The following FAN1 variants were observed in gnomAD, a reference collection of about 807,000 sequenced individuals.
FAN1 encodes fanconi-associated nuclease 1.
FAN1 carries 91 observed loss-of-function variants against 104.9 expected under a neutral mutation model. That is an observed-to-expected ratio of 0.87 (90% confidence interval 0.73 to 1.03). The LOEUF is 1.03. Ranked by LOEUF, FAN1 falls within the 50% of genes least tolerant of loss-of-function variation. The probability of loss-of-function intolerance (pLI) is 0.00; values close to 1 mark genes in which losing one functional copy is unlikely to be tolerated. For missense variants in FAN1, 1,263 were observed against 1,239.9 expected (o/e 1.02, Z -0.28); for synonymous variants, 478 against 457.6 (o/e 1.04, Z -0.57).
At chr15:30,913,081 T>G (rs2062131466) in intron 4 of FAN1, among the ~76,000 whole-genome samples, 1 of 152,188 alleles carries the variant, frequency 6.6e-6, no homozygotes, top group South Asian at 2.1e-4. Context: ...GACCGATAAC[T>G]GTCCATTGCC....
chr15:30,927,707 G>A (rs997491130), intron 10 of FAN1: 23 of 985,510 alleles, frequency 2.3e-5, no homozygotes, highest in Non-Finnish European at 2.8e-5. Context: ...CAGTGGTCTT[G>A]TGGGGAGAGG....
At chr15:30,906,014 C>T in intron 2 of FAN1, 117 bp downstream of exon 2, 1 of 941,984 alleles carries the variant, frequency 1.1e-6, no homozygotes, top group East Asian at 2.4e-5. Flanking sequence ...GTGTTGTGAG[C>T]ACCCTGTGGG....
chr15:30,910,779 A>G lies in FAN1; in HGVS notation c.1541A>G (p.Lys514Arg). The G allele has an allele frequency of 6.2e-7, 1 of 1,614,170 alleles. No homozygotes were observed. Among genetic ancestry groups the G allele is most frequent in the Non-Finnish European group, 8.5e-7 (1 of 1,180,014 alleles). Residue 514 changes from lysine (K) to arginine (R), a missense_variant, in exon 4 of 15, where the codon AAG (lysine) becomes AGG (arginine). Physicochemically the swap from Lys to Arg is conservative, Grantham distance 26. This residue lies in a region of FAN1 where 581 missense variants were observed against 668.8 expected (regional missense o/e 0.87). Coordinates refer to ENST00000362065, the MANE Select transcript of FAN1 (RefSeq NM_014967.5). Reference sequence around the variant, plus strand: ...CAGCGTTCAGTCTGCACTTGGGGCAAGAATAAGCCTGGAATTGGTGCAGTG... The same window carrying G: ...CAGCGTTCAGTCTGCACTTGGGGCAGGAATAAGCCTGGAATTGGTGCAGTG... ...AKQRSVCTWG[K>R]NKPGIGAVIL...
rs1435644448 is a variant in FAN1, at chr15:30,930,538, T to C, written c.2788-5T>C. 2 of 1,591,590 alleles carry C rather than the reference T, an allele frequency of 1.3e-6. No individual in the cohort carries two copies. On this transcript the variant is annotated splice_polypyrimidine_tract_variant and splice_region_variant and intron_variant, in intron 12 of 14. Coordinates refer to ENST00000362065, the MANE Select transcript of FAN1 (RefSeq NM_014967.5). ...GTGGCTAACTGTCCTGTGTTTTGTG[T>C]TCAGGATCTTGTCTCCTGCCTGGGG...
At chr15:30,920,683 T>G (rs1163978878) in intron 7 of FAN1, 30 bp downstream of exon 7, 28 of 1,303,926 alleles carry the variant, frequency 2.1e-5, no homozygotes, top group Non-Finnish European at 2.9e-5. Context: ...CCCCCCACCA[T>G]TACTGATGTG....
At chr15:30,922,943 C>T (rs892842545) in intron 8 of FAN1, among the ~76,000 whole-genome samples, 2 of 152,236 alleles carry the variant, frequency 1.3e-5, no homozygotes, top group African/African-American at 4.8e-5. Context: ...CACAGCCAGG[C>T]GGGTGAGGCC....
At chr15:30,920,265 A>G (rs978376923) in intron 6 of FAN1, among the ~76,000 whole-genome samples, 1 of 152,218 alleles carries the variant, frequency 6.6e-6, no homozygotes, top group Non-Finnish European at 1.5e-5. Flanking sequence ...CAGGACATAG[A>G]AAATCAGGTG....
chr15:30,905,160 C>T lies in FAN1; in HGVS notation c.497C>T (p.Ala166Val), dbSNP rs146422014. ...AAATTGTCCAGAAAATACGTAAAGG[C>T]TAAAAAATCAATAGATAAGGATGAA... is the stretch of plus-strand genomic sequence containing the variant. ...ASKLSRKYVK[A>V]KKSIDKDEEF... The change falls in exon 2 of 15, where the codon GCT becomes GTT. Residue 166 changes from alanine to valine, a missense_variant. Ala to Val is a moderately conservative substitution (Grantham distance 64). Around this residue, in one of 2 missense-constraint regions of FAN1, gnomAD observed 682 missense variants for 571.1 expected, o/e 1.19. Transcript: ENST00000362065. 84 of 1,613,602 alleles carry T rather than the reference C, an allele frequency of 5.2e-5. 1 individual carries two copies. The highest frequency in any genetic ancestry group is 1.9e-5 in the Non-Finnish European group (23 of 1,179,982).
intron 8 of FAN1, among the ~76,000 whole-genome samples, chr15:30,924,402 T>C (rs2062408038): frequency 6.6e-6 from 1 of 152,168 alleles, no homozygotes; most frequent in Non-Finnish European, 1.5e-5. Context: ...TTTTGAGGAG[T>C]GGCTGAACTG....
chr15:30,937,317 CAT>C (rs999995156), intron 14 of FAN1, 58 bp downstream of exon 14: 7 of 1,504,660 alleles, frequency 4.7e-6, no homozygotes, highest in South Asian at 1.2e-5. Context: ...GAGTATAAAA[CAT>C]GTTTTATTTA....
At chr15:30,926,283 C>T (rs1296667725) in intron 10 of FAN1, among the ~76,000 whole-genome samples, 2 of 152,184 alleles carry the variant, frequency 1.3e-5, no homozygotes, top group Admixed American at 1.3e-4. Context: ...CTCTCCTGCC[C>T]CTTCCCTGGG....
At chr15:30,934,931 TTAA>T (rs1487327907) in intron 13 of FAN1, among the ~76,000 whole-genome samples, 21 of 152,360 alleles carry the variant, frequency 1.4e-4, no homozygotes, top group South Asian at 2.1e-4. Context: ...CTACAGTTGA[TTAA>T]TGAGTCTGTA....
intron 10 of FAN1, chr15:30,927,728 GCCT>G (rs1435853466): frequency 1.0e-5 from 10 of 985,598 alleles, no homozygotes; most frequent in African/African-American, 7.0e-5. Context: ...CATCCATGTG[GCCT>G]CCTCCTCTGT....
chr15:30,929,585 T>G (rs537541933), intron 12 of FAN1, among the ~76,000 whole-genome samples, 188 bp downstream of exon 12: 2 of 125,954 alleles, frequency 1.6e-5, no homozygotes, highest in South Asian at 2.3e-4. Context: ...TTTATTATAT[T>G]ATATATTATA....
chr15:30,909,723 A>C (rs2062056931), intron 3 of FAN1, among the ~76,000 whole-genome samples: 1 of 152,120 alleles, frequency 6.6e-6, no homozygotes, highest in Admixed American at 6.5e-5. Flanking sequence ...GGATGAGTGC[A>C]TTCCTGTCTC....
intron 7 of FAN1, among the ~76,000 whole-genome samples, chr15:30,921,033 C>G (rs191178319): frequency 9.8e-5 from 15 of 152,312 alleles, no homozygotes; most frequent in Admixed American, 9.1e-4. Context: ...ATTTGCCCAC[C>G]TTGGCCTCTG....
intron 14 of FAN1, chr15:30,940,201 C>T (rs1468330678): frequency 2.6e-5 from 26 of 985,162 alleles, no homozygotes; most frequent in Admixed American, 1.2e-4. Context: ...GGTGGTGCCC[C>T]GTTTCACTGC....
At position 30,927,007 on chromosome 15, in the gene FAN1, G is replaced by T. The variant is rs1566926564; in HGVS notation, c.2488+1068G>T. 4 of 985,306 alleles carry T rather than the reference G, an allele frequency of 4.1e-6. No individual in the cohort carries two copies. In the African/African-American group the frequency reaches 7.0e-5, roughly 17 times the overall value. 61.0% of individuals were successfully genotyped at this position (985,306 alleles called of 1,614,324 possible). A position where few individuals can be genotyped will look rare whatever the true frequency, so the allele number is the denominator to read the frequency against. Reference sequence around the variant, plus strand: ...ACTTATAACACAAATGCACAGCATGGACCACTTAGGAGTTAAGGAACGAAC... The same window carrying T: ...ACTTATAACACAAATGCACAGCATGTACCACTTAGGAGTTAAGGAACGAAC... On this transcript the variant is annotated intron_variant, in intron 10 of 14. Transcript: ENST00000362065.
intron 8 of FAN1, among the ~76,000 whole-genome samples, chr15:30,922,990 G>GAA (rs764230263): frequency 4.8e-4 from 73 of 152,252 alleles, no homozygotes; most frequent in Non-Finnish European, 1.0e-3. Context: ...AGCAACAGTG[G>GAA]TTCTTTGTGT....
Sources: gnomAD v4.1 joint callset for allele counts (sites outside exome capture counted in the v4.1 genomes callset) on GRCh38, gnomAD v4.1.1 for gene constraint, gnomAD v4.1.1 regional missense constraint, MANE v1.5 for transcripts, NCBI Gene and HGNC (gene_info 2026-07-23, HGNC 2026-07-21) for gene names.